The following EXOC4 variants were observed in gnomAD, a reference collection of about 807,000 sequenced individuals.
The protein encoded by EXOC4 is exocyst complex component 4.
In EXOC4, 71 loss-of-function variants were observed where a neutral mutation model predicts 107.2. That is an observed-to-expected ratio of 0.66 (90% CI 0.55 to 0.81). The LOEUF (loss-of-function observed/expected upper bound fraction) is 0.81. Ranked by LOEUF, EXOC4 falls within the 30% of genes least tolerant of loss-of-function variation. The pLI is 0.00. For synonymous variants in EXOC4, 456 were observed against 441.2 expected (o/e 1.03, Z -0.42); for missense variants, 1,108 against 1,189.6 (o/e 0.93, Z 1.01).
intron 10 of EXOC4, among the ~76,000 whole-genome samples, chr7:133,759,959 G>A (rs1287297751): frequency 6.6e-6 from 1 of 152,198 alleles, no homozygotes; most frequent in Non-Finnish European, 1.5e-5. Flanking sequence ...AAGGAACAGT[G>A]TGCAGGTGAG....
intron 9 of EXOC4, among the ~76,000 whole-genome samples, chr7:133,574,211 G>A (rs1178229297): frequency 2.6e-5 from 4 of 152,026 alleles, no homozygotes; most frequent in African/African-American, 9.7e-5. Context: ...TTGTGCACAC[G>A]TATGTGTGTA....
intron 9 of EXOC4, among the ~76,000 whole-genome samples, chr7:133,513,577 G>A (rs562156343): frequency 6.6e-6 from 1 of 152,104 alleles, no homozygotes; most frequent in African/African-American, 2.4e-5. Context: ...CCAGTATCCT[G>A]TCTTTTTGTG....
chr7:133,370,956 A>G (rs758943149), intron 6 of EXOC4, among the ~76,000 whole-genome samples: 1 of 152,192 alleles, frequency 6.6e-6, no homozygotes, highest in Admixed American at 6.5e-5. Flanking sequence ...AATTTTTTTC[A>G]TAACGAAAGA....
chr7:133,728,747 ATACT>A, intron 10 of EXOC4, among the ~76,000 whole-genome samples: 1 of 152,180 alleles, frequency 6.6e-6, no homozygotes, highest in East Asian at 1.9e-4. Flanking sequence ...ACAAGTCATT[ATACT>A]GAGACCTTGA....
chr7:133,483,951 A>G, intron 9 of EXOC4: 4 of 1,392,402 alleles, frequency 2.9e-6, no homozygotes, highest in Admixed American at 1.7e-5. Context: ...CTAAGGGAAG[A>G]TTTTTGTTTC....
At chr7:133,529,763 G>C (rs992067613) in intron 9 of EXOC4, among the ~76,000 whole-genome samples, 13 of 152,146 alleles carry the variant, frequency 8.5e-5, no homozygotes, top group Admixed American at 1.3e-4. Context: ...AGAAAGATAA[G>C]AGGAACCATG....
At chr7:133,884,581 C>CT (rs1554414584) in intron 11 of EXOC4, among the ~76,000 whole-genome samples, 7 of 143,732 alleles carry the variant, frequency 4.9e-5, no homozygotes, top group African/African-American at 1.8e-4. Context: ...GCCCTATGCT[C>CT]TGTGTGTGTG....
chr7:133,253,371 T>C (rs1243870587), intron 1 of EXOC4, 184 bp downstream of exon 1: 2 of 1,398,220 alleles, frequency 1.4e-6, no homozygotes, highest in African/African-American at 1.5e-5. Flanking sequence ...CTTTTTTTTC[T>C]GGGGTTAGCT....
intron 7 of EXOC4, among the ~76,000 whole-genome samples, chr7:133,444,967 G>A (rs546776303): frequency 4.6e-5 from 7 of 152,110 alleles, no homozygotes; most frequent in African/African-American, 1.4e-4. Context: ...TTAACAACAC[G>A]TAAGATTCTT....
intron 9 of EXOC4, among the ~76,000 whole-genome samples, chr7:133,505,883 C>G (rs972596098): frequency 6.6e-6 from 1 of 152,120 alleles, no homozygotes; most frequent in Non-Finnish European, 1.5e-5. Flanking sequence ...TTGTGTTCAG[C>G]TTAATTGCCA....
At chr7:133,804,352 A>G (rs891348748) in intron 10 of EXOC4, among the ~76,000 whole-genome samples, 4 of 152,186 alleles carry the variant, frequency 2.6e-5, no homozygotes, top group Non-Finnish European at 5.9e-5. Flanking sequence ...TGTGACTCAT[A>G]TCATTAGTGG....
intron 13 of EXOC4, among the ~76,000 whole-genome samples, chr7:133,924,025 T>C (rs1799997412): frequency 6.6e-6 from 1 of 151,850 alleles, no homozygotes; most frequent in African/African-American, 2.4e-5. Flanking sequence ...AGGTAAAGAA[T>C]GATTGAGAGA....
At chr7:133,687,478 A>G (rs1245271607) in intron 10 of EXOC4, among the ~76,000 whole-genome samples, 2 of 152,156 alleles carry the variant, frequency 1.3e-5, no homozygotes, top group African/African-American at 4.8e-5. Flanking sequence ...AATCCAGACA[A>G]TAAGATGCTG....
At chr7:133,908,647 G>C (rs568120122) in intron 12 of EXOC4, among the ~76,000 whole-genome samples, 1 of 152,278 alleles carries the variant, frequency 6.6e-6, no homozygotes, top group South Asian at 2.1e-4. Context: ...CACGCAGGGT[G>C]GTTGTGAGGA....
intron 17 of EXOC4, among the ~76,000 whole-genome samples, chr7:134,014,663 G>T (rs1423004931): frequency 6.6e-6 from 1 of 152,064 alleles, no homozygotes; most frequent in African/African-American, 2.4e-5. Flanking sequence ...AGTCTTTGGG[G>T]GGTGATGAAA....
chr7:133,988,438 T>G (rs1273014535), intron 14 of EXOC4, among the ~76,000 whole-genome samples: 1 of 152,208 alleles, frequency 6.6e-6, no homozygotes, highest in East Asian at 1.9e-4. Context: ...TCAGTTTAAT[T>G]AAAAAGGCAT....
intron 7 of EXOC4, among the ~76,000 whole-genome samples, chr7:133,439,165 A>G (rs1798044009): frequency 6.9e-6 from 1 of 144,656 alleles, no homozygotes; most frequent in African/African-American, 2.5e-5. Context: ...AAGGAAATAT[A>G]CCATATTTCA....
the EXOC4 span, among the ~76,000 whole-genome samples, chr7:134,087,799 T>A: frequency 6.6e-6 from 1 of 152,172 alleles, no homozygotes; most frequent in African/African-American, 2.4e-5. Flanking sequence ...TGAAACATAA[T>A]TTTTCTCTCT....
In EXOC4 at chr7:133,306,024, C is replaced by T. The variant is rs748194544; in HGVS notation, c.619C>T (p.Arg207Ter). The change falls in exon 4 of 18, where the codon CGA (arginine) becomes TGA (stop). Residue 207 changes from arginine to a stop codon, truncating the protein, a stop_gained. Coordinates refer to ENST00000253861, the MANE Select transcript of EXOC4 (RefSeq NM_021807.4). LOFTEE classifies it high-confidence loss of function. ...GCACCTGTACATCAAATCGACTAGC[C>T]GAGTTGTGCAGCGTAACAAGGAAAA... ...HRHLYIKSTS[R>*]VVQRNKEKGK... is the part of the protein sequence containing the mutation. 5.0e-6 allele frequency: 8 copies of T among 1,613,218 alleles called. No homozygotes were observed. Among genetic ancestry groups the T allele is most frequent in the African/African-American group, 1.3e-5 (1 of 74,920 alleles).
Sources: allele counts gnomAD v4.1 joint callset (sites outside exome capture counted in the v4.1 genomes callset), GRCh38; gene constraint gnomAD v4.1.1; transcripts MANE v1.5; gene names NCBI Gene and HGNC (gene_info 2026-07-23, HGNC 2026-07-21).